ATP13A4: variants seen among roughly 807,000 people sequenced by gnomAD.
ATP13A4 encodes ATPase 13A4.
Under a neutral mutation model 142.5 loss-of-function variants are expected in ATP13A4, and 114 were observed. The ratio of observed to expected loss-of-function variants is 0.80; its 90% CI spans 0.69 to 0.93. The LOEUF is 0.93. Ranked by LOEUF, ATP13A4 falls within the 40% of genes least tolerant of loss-of-function variation. The pLI, the probability that ATP13A4 is intolerant of heterozygous loss-of-function variation, is 0.00. For synonymous variants in ATP13A4, 488 were observed against 514.8 expected, an observed-to-expected ratio of 0.95 and a Z score of 0.70; for missense variants, 1,392 against 1,454.0, an observed-to-expected ratio of 0.96 and a Z score of 0.69.
chr3:193,495,739 G>C lies in ATP13A4; in HGVS notation c.382-2579C>G, dbSNP rs185692252. On this transcript the variant is annotated intron_variant, in intron 3 of 29. Transcript: ENST00000342695. ...GGGAAGTCCTAGCCAGAGCAATTAG[G>C]CAAGAGAAAGAAGTAAAAGGCATCA... Among the ~76,000 whole-genome samples the C allele has an allele frequency of 2.0e-3, 298 of 152,152 alleles. 1 individual carries two copies. Among genetic ancestry groups the C allele is most frequent in the African/African-American group, 7.0e-3 (292 of 41,546 alleles).
At chr3:193,518,968 G>T (rs1313022027) in intron 1 of ATP13A4, among the ~76,000 whole-genome samples, 2 of 152,000 alleles carry the variant, frequency 1.3e-5, no homozygotes. Context: ...GATATTTTTG[G>T]GTCACCCAAC....
intron 1 of ATP13A4, among the ~76,000 whole-genome samples, chr3:193,527,856 CAG>C (rs1267854980): frequency 6.6e-6 from 1 of 152,164 alleles, no homozygotes; most frequent in Non-Finnish European, 1.5e-5. Flanking sequence ...CCATCTGTAA[CAG>C]AGAGGGTTGA....
chr3:193,418,708 T>C (rs1560174273), intron 25 of ATP13A4, among the ~76,000 whole-genome samples: 2 of 149,962 alleles, frequency 1.3e-5, no homozygotes, highest in Non-Finnish European at 2.9e-5. Context: ...GGGAGTTGCC[T>C]GAAGTCCACA....
intron 25 of ATP13A4, among the ~76,000 whole-genome samples, chr3:193,428,297 G>T (rs62285708): frequency 0.15 from 22,479 of 151,200 alleles, 1,872 homozygotes; most frequent in South Asian, 0.24. Context: ...AACAACAGGT[G>T]TTGGAGAGGA....
At chr3:193,438,901 C>A (rs1716459021) in intron 22 of ATP13A4, 122 bp downstream of exon 22, 1 of 1,081,400 alleles carries the variant, frequency 9.2e-7, no homozygotes, top group Non-Finnish European at 1.4e-6. Context: ...CAGGAGTATA[C>A]CTCTAAAGGG....
intron 2 of ATP13A4, among the ~76,000 whole-genome samples, chr3:193,512,441 A>G (rs1401948858): frequency 6.6e-6 from 1 of 152,102 alleles, no homozygotes; most frequent in Non-Finnish European, 1.5e-5. Flanking sequence ...AATATATACC[A>G]TCTGAGCCAT....
At position 193,448,196 on chromosome 3, in the gene ATP13A4, T is replaced by C. The variant is rs772946749; in HGVS notation, c.2152+10A>G. On this transcript the variant is annotated intron_variant, in intron 18 of 29. Coordinates refer to ENST00000342695, the MANE Select transcript of ATP13A4 (RefSeq NM_032279.4). Reference sequence around the variant, plus strand: ...TTCTTACTGTTTTCACTGTATACTTTGTTTCATACCTGTGATCATTACAGT... The same window carrying C: ...TTCTTACTGTTTTCACTGTATACTTCGTTTCATACCTGTGATCATTACAGT... The C allele has an allele frequency of 1.9e-5, 31 of 1,613,994 alleles. No individual in the cohort carries two copies. Among genetic ancestry groups the C allele is most frequent in the Admixed American group, 1.7e-4 (10 of 60,032 alleles).
intron 8 of ATP13A4, among the ~76,000 whole-genome samples, chr3:193,473,573 G>A (rs1459807470): frequency 6.6e-6 from 1 of 152,134 alleles, no homozygotes; most frequent in African/African-American, 2.4e-5. Flanking sequence ...TAATTACAAA[G>A]AGGAAAATAA....
intron 23 of ATP13A4, among the ~76,000 whole-genome samples, chr3:193,436,183 C>T (rs1716258008): frequency 6.6e-6 from 1 of 152,206 alleles, no homozygotes; most frequent in African/African-American, 2.4e-5. Context: ...ACAGGAGCTT[C>T]AGGAGCTTGG....
Position 193,542,683 on chromosome 3 carries a change from C to T in ATP13A4, c.60+12057G>A, listed in dbSNP as rs115797016. Among the ~76,000 whole-genome samples the T allele has an allele frequency of 3.3e-3, 495 of 152,274 alleles. 2 individuals are homozygous for T. Among genetic ancestry groups the T allele is most frequent in the African/African-American group, 0.011 (464 of 41,540 alleles). ...TCTCAGAAAGTACACCACACATCTACGTCCACCTGATCTTTGACAAACCTG... is the reference window on the plus strand; with the variant it reads ...TCTCAGAAAGTACACCACACATCTATGTCCACCTGATCTTTGACAAACCTG... On this transcript the variant is annotated intron_variant, in intron 1 of 29. Coordinates refer to ENST00000342695, the MANE Select transcript of ATP13A4 (RefSeq NM_032279.4).
chr3:193,426,200 A>G (rs1417329312), intron 25 of ATP13A4, among the ~76,000 whole-genome samples: 1 of 151,824 alleles, frequency 6.6e-6, no homozygotes, highest in Non-Finnish European at 1.5e-5. Flanking sequence ...CACAAAAACA[A>G]TCATCGTGTT....
chr3:193,537,664 A>G (rs1324010887), intron 1 of ATP13A4, among the ~76,000 whole-genome samples: 3 of 152,174 alleles, frequency 2.0e-5, no homozygotes, highest in African/African-American at 7.2e-5. Context: ...AAACTACTGA[A>G]TGAGAGAAAA....
In ATP13A4 at chr3:193,457,579, G is replaced by C. The variant is rs184728147; in HGVS notation, c.1675-114C>G. On this transcript the variant is annotated intron_variant, in intron 14 of 29. Transcript: ENST00000342695. The stretch of plus-strand genomic sequence containing the variant: ...CTCAGACCACCTCAATGTGTTTTCC[G>C]TGTCTCTTCCCTCAGAGGTGAACCA... 188 of 963,732 alleles carry C rather than the reference G, an allele frequency of 2.0e-4. No homozygotes were observed. In the East Asian group the frequency reaches 4.7e-3, roughly 24 times the overall value. The allele number at this position is 963,732 out of a possible 1,614,324, so 59.7% of individuals were successfully genotyped here.
intron 29 of ATP13A4, among the ~76,000 whole-genome samples, chr3:193,404,743 C>T (rs1008735904): frequency 2.6e-5 from 4 of 152,072 alleles, no homozygotes; most frequent in Non-Finnish European, 5.9e-5. Flanking sequence ...AACCATGAGC[C>T]AATTAAACCT....
intron 7 of ATP13A4, among the ~76,000 whole-genome samples, chr3:193,487,211 T>A (rs1719680605): frequency 6.6e-6 from 1 of 151,912 alleles, no homozygotes; most frequent in Non-Finnish European, 1.5e-5. Flanking sequence ...CAAATCCAAC[T>A]GAGAGGTTTA....
Position 193,514,880 on chromosome 3 carries a change from G to A in ATP13A4, c.61-9C>T, listed in dbSNP as rs1465157232. ...CGATAGCCAAATATCTCCTGGGACA[G>A]AATCAAAATGATACCAAATATTGGT... On this transcript the variant is annotated splice_polypyrimidine_tract_variant and intron_variant, in intron 1 of 29. Transcript: ENST00000342695. 1.2e-6 allele frequency: 2 copies of A among 1,613,200 alleles called. No individual in the cohort carries two copies. Among genetic ancestry groups the A allele is most frequent in the Non-Finnish European group, 1.7e-6 (2 of 1,179,336 alleles).
intron 1 of ATP13A4, among the ~76,000 whole-genome samples, chr3:193,517,632 C>T (rs577704957): frequency 2.3e-4 from 35 of 152,304 alleles, no homozygotes; most frequent in African/African-American, 7.9e-4. Flanking sequence ...AGGCGCCCGC[C>T]ACCACGCCCG....
intron 16 of ATP13A4, among the ~76,000 whole-genome samples, chr3:193,454,461 T>C (rs1391274232): frequency 6.6e-6 from 1 of 152,208 alleles, no homozygotes; most frequent in Non-Finnish European, 1.5e-5. Context: ...TAAAATTCTT[T>C]TTTCTTCAAT....
chr3:193,441,584 T>C lies in ATP13A4; in HGVS notation c.2321A>G (p.Asn774Ser), dbSNP rs1292550470. The stretch of plus-strand genomic sequence containing the variant: ...GACTTCATCCCTGATGTTAATGTAA[T>C]TGTCCTACAAAGCAAGACACAGTTA... The part of the protein sequence containing the change: ...KKHIMYGNQD[N>S]YINIRDEVSD... The change falls in exon 20 of 30, where the codon AAT (asparagine) becomes AGT (serine). Residue 774 changes from asparagine (N) to serine (S), a missense_variant. Coordinates refer to ENST00000342695, the MANE Select transcript of ATP13A4 (RefSeq NM_032279.4). 18 of 1,613,326 alleles carry C rather than the reference T, an allele frequency of 1.1e-5. No homozygotes were observed. Among genetic ancestry groups the C allele is most frequent in the Non-Finnish European group, 1.4e-5 (17 of 1,179,462 alleles).
Sources: allele counts gnomAD v4.1 joint callset (sites outside exome capture counted in the v4.1 genomes callset), GRCh38; gene constraint gnomAD v4.1.1; transcripts MANE v1.5; gene names NCBI Gene and HGNC (gene_info 2026-07-23, HGNC 2026-07-21).